The following DOCK8 variants were observed in gnomAD, a reference collection of about 807,000 sequenced individuals.
DOCK8 encodes the protein dedicator of cytokinesis protein 8.
DOCK8 carries 141 observed loss-of-function variants against 245.6 expected under a neutral mutation model. The ratio of observed to expected loss-of-function variants is 0.57; its 90% CI spans 0.50 to 0.66. The LOEUF is 0.66. Among genes scored for constraint, DOCK8 ranks in the 30% least tolerant of loss-of-function variants. The probability of loss-of-function intolerance (pLI) is 0.00; values close to 1 mark genes in which losing one functional copy is unlikely to be tolerated. For synonymous variants in DOCK8, 1,168 were observed against 970.2 expected (o/e 1.20, Z -3.79); for missense variants, 2,965 against 2,603.4 (o/e 1.14, Z -3.02).
At chr9:244,760 A>G (rs1466335425) in intron 1 of DOCK8, among the ~76,000 whole-genome samples, 2 of 151,608 alleles carry the variant, frequency 1.3e-5, no homozygotes, top group African/African-American at 4.9e-5. Flanking sequence ...CCAGTTGTGG[A>G]GGTTTGAAGC....
intron 4 of DOCK8, among the ~76,000 whole-genome samples, chr9:302,159 C>G (rs1231051678): frequency 6.6e-6 from 1 of 152,130 alleles, no homozygotes; most frequent in Non-Finnish European, 1.5e-5. Flanking sequence ...GACACGTAGA[C>G]CAATAGAACA....
Position 379,862 on chromosome 9 carries a change from G to A in DOCK8, c.2532G>A (p.Arg844=), listed in dbSNP as rs1234416169. ...ACCTGAGCAAGGACCAGCATGGGAGGAACTGCCTGCTGGCTTCCTACGTGC... is the reference window on the plus strand; with the variant it reads ...ACCTGAGCAAGGACCAGCATGGGAGAAACTGCCTGCTGGCTTCCTACGTGC... ...SKDLSKDQHG[R]NCLLASYVHY... is the part of the protein sequence containing the mutation. The change falls in exon 21 of 48, where the codon AGG becomes AGA. Residue 844 remains arginine, a synonymous_variant. Transcript: ENST00000432829. 1 of 1,614,214 alleles carries A rather than the reference G, an allele frequency of 6.2e-7. No homozygotes were observed.
chr9:430,242 C>T (rs1429333236), intron 36 of DOCK8, among the ~76,000 whole-genome samples: 2 of 151,792 alleles, frequency 1.3e-5, no homozygotes, highest in African/African-American at 4.8e-5. Context: ...GATGTGTTGG[C>T]GCATGCCTGT....
At chr9:267,699 G>A (rs914272873) in intron 1 of DOCK8, among the ~76,000 whole-genome samples, 5 of 152,082 alleles carry the variant, frequency 3.3e-5, no homozygotes, top group African/African-American at 1.2e-4. Context: ...TACTTTATAT[G>A]CAGGTTTCCA....
intron 44 of DOCK8, among the ~76,000 whole-genome samples, chr9:447,037 G>A (rs1278234478): frequency 1.3e-5 from 2 of 152,128 alleles, no homozygotes; most frequent in African/African-American, 4.8e-5. Context: ...CAGTGAGGCG[G>A]TGGTGTGCTG....
intron 3 of DOCK8, among the ~76,000 whole-genome samples, chr9:286,851 G>GCC (rs2048844233): frequency 6.6e-6 from 1 of 152,210 alleles, no homozygotes; most frequent in African/African-American, 2.4e-5. Flanking sequence ...TGAAGACTAA[G>GCC]CCAGTGCAAG....
intron 5 of DOCK8, among the ~76,000 whole-genome samples, chr9:310,420 C>G (rs2050045669): frequency 6.6e-6 from 1 of 152,166 alleles, no homozygotes; most frequent in Non-Finnish European, 1.5e-5. Context: ...ATCTTTTTCT[C>G]TGTTGATTTT....
At chr9:355,784 C>G (rs2052411794) in intron 14 of DOCK8, among the ~76,000 whole-genome samples, 1 of 152,152 alleles carries the variant, frequency 6.6e-6, no homozygotes. Context: ...ACACCCTATT[C>G]CTCCCTAACT....
rs570349310 is a variant in DOCK8, at chr9:431,122, C to A, written c.4627-1044C>A. On this transcript the variant is annotated intron_variant, in intron 36 of 47. Coordinates refer to ENST00000432829, the MANE Select transcript of DOCK8 (RefSeq NM_203447.4). ...CACCTGAGCTCAAGTGATCTTCCCTCCTCAGCCCCCCAAAGTACTGAGATT... is the reference window on the plus strand; with the variant it reads ...CACCTGAGCTCAAGTGATCTTCCCTACTCAGCCCCCCAAAGTACTGAGATT... Among the ~76,000 whole-genome samples the A allele has an allele frequency of 2.0e-5, 3 of 152,210 alleles. No individual in the cohort carries two copies. The East Asian group carries it at 5.8e-4, about 29-fold the overall frequency.
intron 28 of DOCK8, among the ~76,000 whole-genome samples, chr9:411,406 T>C (rs1475565128): frequency 7.2e-6 from 1 of 139,744 alleles, no homozygotes; most frequent in Non-Finnish European, 1.5e-5. Context: ...AGAGCAAAAC[T>C]CCATCACAAA....
chr9:312,114 G>A lies in DOCK8; in HGVS notation c.689G>A (p.Arg230Gln), dbSNP rs771753565. 2.9e-5 allele frequency: 47 copies of A among 1,614,104 alleles called. No homozygotes were observed. The highest frequency in any genetic ancestry group is 3.3e-4 in the Middle Eastern group (2 of 6,084). ...EDFEKQNEEA[R>Q]RTNRQAELFA... The stretch of plus-strand genomic sequence containing the variant: ...TTTGAGAAGCAGAACGAGGAGGCCC[G>A]GAGGACCAATAGGCAGGCCGAGCTC... Residue 230 changes from arginine (R) to glutamine (Q), a missense_variant, in exon 6 of 48, where the codon CGG (arginine) becomes CAG (glutamine). Physicochemically the swap from Arg to Gln is conservative, Grantham distance 43. Around this residue, in one of 3 missense-constraint regions of DOCK8, gnomAD observed 2,825 missense variants for 2,453.5 expected, o/e 1.15. Coordinates refer to ENST00000432829, the MANE Select transcript of DOCK8 (RefSeq NM_203447.4).
chr9:248,864 G>C (rs2047578482), intron 1 of DOCK8, among the ~76,000 whole-genome samples: 1 of 152,180 alleles, frequency 6.6e-6, no homozygotes, highest in African/African-American at 2.4e-5. Flanking sequence ...GAAAAATAGA[G>C]ACTCTCCAGA....
chr9:372,809 CA>C (rs144331535), intron 18 of DOCK8, among the ~76,000 whole-genome samples: 16,313 of 152,148 alleles, frequency 0.11, 1,920 homozygotes, highest in African/African-American at 0.29. Flanking sequence ...CCAGGTGGAT[CA>C]ACTGAGGTCA....
At chr9:290,977 G>C (rs2049014132) in intron 4 of DOCK8, among the ~76,000 whole-genome samples, 1 of 152,186 alleles carries the variant, frequency 6.6e-6, no homozygotes. Flanking sequence ...GAGAAAGTTA[G>C]ATGCCAATCC....
In DOCK8 at chr9:422,155, T is replaced by C. The variant is rs777939854; in HGVS notation, c.4241+20T>C. On this transcript the variant is annotated intron_variant, in intron 33 of 47. Transcript: ENST00000432829. ...AGATAAGTGAGTCACTCGGCAACTT[T>C]CTGCTACTTTTACCTAAAGTCCAAA... 5 of 1,609,142 alleles carry C rather than the reference T, an allele frequency of 3.1e-6. No individual in the cohort carries two copies. The highest frequency in any genetic ancestry group is 4.3e-6 in the Non-Finnish European group (5 of 1,175,550).
At chr9:300,044 A>G (rs1035917840) in intron 4 of DOCK8, among the ~76,000 whole-genome samples, 2 of 150,702 alleles carry the variant, frequency 1.3e-5, no homozygotes, top group Non-Finnish European at 3.0e-5. Flanking sequence ...AAGATGGCCC[A>G]TTGTGGTAAG....
intron 46 of DOCK8, chr9:459,769 A>C (rs1047845182): frequency 1.3e-5 from 2 of 152,400 alleles, no homozygotes; most frequent in Non-Finnish European, 2.9e-5. Flanking sequence ...CTCAAACAGC[A>C]GGGGCTCCTC....
At chr9:281,070 G>A (rs1381070593) in intron 2 of DOCK8, among the ~76,000 whole-genome samples, 3 of 152,142 alleles carry the variant, frequency 2.0e-5, no homozygotes, top group Non-Finnish European at 2.9e-5. Context: ...CCAGGCCAAC[G>A]TAGTGGAACC....
chr9:295,140 A>G (rs2049202062), intron 4 of DOCK8, among the ~76,000 whole-genome samples: 1 of 152,084 alleles, frequency 6.6e-6, no homozygotes, highest in African/African-American at 2.4e-5. Flanking sequence ...AGCCTGGGCA[A>G]CAAAGTGAGA....
Sources: gnomAD v4.1 joint callset for allele counts (sites outside exome capture counted in the v4.1 genomes callset) on GRCh38, gnomAD v4.1.1 for gene constraint, gnomAD v4.1.1 regional missense constraint, MANE v1.5 for transcripts, NCBI Gene and HGNC (gene_info 2026-07-23, HGNC 2026-07-21) for gene names.